MTM1: variants seen among roughly 807,000 people sequenced by gnomAD.
MTM1 encodes the protein myotubularin 1.
A neutral mutation model predicts 52.1 loss-of-function variants in MTM1; 9 were observed. The ratio of observed to expected loss-of-function variants is 0.17; its 90% confidence interval spans 0.10 to 0.30. The LOEUF (loss-of-function observed/expected upper bound fraction) is 0.30, where lower values mean the gene tolerates loss of function less well. MTM1 is among the 10% of genes least tolerant of loss of function. MTM1 has a pLI of 1.00. For synonymous variants in MTM1, 136 were observed against 163.8 expected, an observed-to-expected ratio of 0.83 and a Z score of 1.29; for missense variants, 277 against 470.7, an observed-to-expected ratio of 0.59 and a Z score of 3.81.
intron 6 of MTM1, among the ~76,000 whole-genome samples, chrX:150,629,946 T>C (rs1469455140): frequency 8.9e-6 from 1 of 111,970 alleles, no homozygotes; most frequent in East Asian, 2.8e-4. Flanking sequence ...CATGTACCTA[T>C]TTCCATCCAC....
At chrX:150,568,154 C>T (rs1175793781), upstream of MTM1, among the ~76,000 whole-genome samples, 1 of 112,457 alleles carries the variant, frequency 8.9e-6, no homozygotes, top group Non-Finnish European at 1.9e-5. Flanking sequence ...CGCAGCCAAC[C>T]CTGTGTACCC....
chrX:150,645,746 G>A lies in MTM1; in HGVS notation c.742G>A (p.Gly248Ser), dbSNP rs368335697. ...TGTGCGTTGCAGTCAGCCTCTTGTC[G>A]GTATGAGTGGGAAACGAAATAAAGA... Reference protein sequence around the residue: ...VIVRCSQPLVGMSGKRNKDDE... With the variant: ...VIVRCSQPLVSMSGKRNKDDE... The change falls in exon 9 of 15, where the codon GGT (glycine) becomes AGT (serine). Residue 248 changes from glycine to serine, a missense_variant. Around this residue, in one of 4 missense-constraint regions of MTM1, gnomAD observed 164 missense variants for 283.3 expected, o/e 0.58. Coordinates refer to ENST00000370396, the MANE Select transcript of MTM1 (RefSeq NM_000252.3). 33 of 1,209,132 alleles carry A rather than the reference G, an allele frequency of 2.7e-5. No individual in the cohort carries two copies. The highest frequency in any genetic ancestry group is 3.6e-5 in the Non-Finnish European group (32 of 894,369).
intron 2 of MTM1, among the ~76,000 whole-genome samples, chrX:150,595,623 G>T (rs2038962521): frequency 8.9e-6 from 1 of 112,539 alleles, no homozygotes; most frequent in African/African-American, 3.2e-5. Flanking sequence ...TGCCCAAACA[G>T]ATGTTAGTGA....
chrX:150,592,989 G>A (rs1182807960), intron 2 of MTM1, among the ~76,000 whole-genome samples: 5 of 110,703 alleles, frequency 4.5e-5, no homozygotes, highest in Non-Finnish European at 9.5e-5. Flanking sequence ...GATTACAGGC[G>A]TGTGCTACCA....
chrX:150,603,838 GC>G (rs1376799101), intron 4 of MTM1, among the ~76,000 whole-genome samples: 1 of 111,436 alleles, frequency 9.0e-6, no homozygotes, highest in Non-Finnish European at 1.9e-5. Context: ...AAAGATATGG[GC>G]TAAGGAGAGG....
chrX:150,579,444 T>C (rs1288269195), intron 1 of MTM1, among the ~76,000 whole-genome samples: 1 of 112,077 alleles, frequency 8.9e-6, no homozygotes, highest in Non-Finnish European at 1.9e-5. Flanking sequence ...GGACGTATTT[T>C]GTTCAGTGTT....
At chrX:150,611,430 C>T (rs968328677) in intron 4 of MTM1, among the ~76,000 whole-genome samples, 1 of 111,960 alleles carries the variant, frequency 8.9e-6, no homozygotes, top group African/African-American at 3.3e-5. Context: ...CAGTTTTGTC[C>T]GCCTTAAGAG....
At chrX:150,655,884 T>C (rs1557414394) in intron 10 of MTM1, among the ~76,000 whole-genome samples, 1 of 112,091 alleles carries the variant, frequency 8.9e-6, no homozygotes, top group Non-Finnish European at 1.9e-5. Context: ...TATTCCATTG[T>C]TTATAAAGTA....
intron 1 of MTM1, among the ~76,000 whole-genome samples, chrX:150,587,168 GGC>G (rs782808680): frequency 7.3e-4 from 81 of 110,651 alleles, no homozygotes; most frequent in African/African-American, 2.6e-3. Context: ...TTTGTAGGTG[GGC>G]GCATAGTGGC....
At chrX:150,578,790 A>G (rs1259014882) in intron 1 of MTM1, among the ~76,000 whole-genome samples, 2 of 109,491 alleles carry the variant, frequency 1.8e-5, no homozygotes, top group Admixed American at 2.0e-4. Flanking sequence ...AGGCATTATA[A>G]TAAGTCTGGG....
intron 4 of MTM1, among the ~76,000 whole-genome samples, chrX:150,600,200 A>C (rs782072974): frequency 8.9e-6 from 1 of 111,896 alleles, no homozygotes; most frequent in East Asian, 2.8e-4. Context: ...GAAGACATGC[A>C]TTTCCAATGT....
intron 14 of MTM1, among the ~76,000 whole-genome samples, chrX:150,664,399 T>C (rs781999931): frequency 1.1e-3 from 121 of 112,694 alleles, no homozygotes; most frequent in African/African-American, 3.6e-3. Flanking sequence ...CACAGCAGGG[T>C]CCCATAGCTG....
At chrX:150,642,803 G>A (rs1002024006) in intron 8 of MTM1, among the ~76,000 whole-genome samples, 1 of 111,744 alleles carries the variant, frequency 8.9e-6, no homozygotes, top group Non-Finnish European at 1.9e-5. Context: ...TATGGGATTT[G>A]AAACAGAGAA....
At chrX:150,620,202 GC>G (rs1306660713) in intron 6 of MTM1, among the ~76,000 whole-genome samples, 2 of 111,703 alleles carry the variant, frequency 1.8e-5, no homozygotes, top group Non-Finnish European at 3.8e-5. Flanking sequence ...TGCATATCTG[GC>G]CCTAAATTAT....
chrX:150,566,281 G>T (rs1387966258), upstream of MTM1, among the ~76,000 whole-genome samples: 1 of 111,071 alleles, frequency 9.0e-6, no homozygotes, highest in Non-Finnish European at 1.9e-5. Flanking sequence ...GATTACAGGC[G>T]CCCACCACCA....
Position 150,596,541 on chromosome X carries a change from C to G in MTM1, c.107C>G (p.Pro36Arg). The change falls in exon 3 of 15, where the codon CCT becomes CGT. Residue 36 changes from proline to arginine, a missense_variant. Around this residue, in one of 4 missense-constraint regions of MTM1, gnomAD observed 164 missense variants for 283.3 expected, o/e 0.58. Transcript: ENST00000370396. Reference sequence around the variant, plus strand: ...AATCGAGATCTCACTGAGGCTGTTCCTCGACTTCCAGGAGAAACACTAATC... The same window carrying G: ...AATCGAGATCTCACTGAGGCTGTTCGTCGACTTCCAGGAGAAACACTAATC... ...GVNRDLTEAVPRLPGETLITD... is the reference protein window; with the variant it reads ...GVNRDLTEAVRRLPGETLITD... 1 of 1,209,821 alleles carries G rather than the reference C, an allele frequency of 8.3e-7. No individual in the cohort carries two copies. The highest frequency in any genetic ancestry group is 1.8e-5 in the South Asian group (1 of 56,932).
At chrX:150,618,985 TTAAC>T in intron 5 of MTM1, 49 bp from the exon 6 acceptor site, 1 of 879,949 alleles carries the variant, frequency 1.1e-6, no homozygotes, top group South Asian at 2.0e-5. Flanking sequence ...TTCTTGCTAA[TTAAC>T]ATGACTTTCT....
intron 9 of MTM1, among the ~76,000 whole-genome samples, chrX:150,647,554 C>T (rs1743485947): frequency 8.9e-6 from 1 of 111,835 alleles, no homozygotes; most frequent in Admixed American, 9.5e-5. Context: ...GGCCCGTAGA[C>T]CTTTACATCA....
At chrX:150,583,174 A>C (rs1173975898) in intron 1 of MTM1, among the ~76,000 whole-genome samples, 1 of 76,015 alleles carries the variant, frequency 1.3e-5, no homozygotes, top group East Asian at 4.0e-4. Flanking sequence ...TATTATATAA[A>C]TTATAAATAT....
Sources: allele counts gnomAD v4.1 joint callset (sites outside exome capture counted in the v4.1 genomes callset), GRCh38; gene constraint gnomAD v4.1.1; regional missense constraint gnomAD v4.1.1; transcripts MANE v1.5; gene names NCBI Gene and HGNC (gene_info 2026-07-23, HGNC 2026-07-21).